The following CDH18 variants were observed in gnomAD, a reference collection of about 807,000 sequenced individuals.
The protein encoded by CDH18 is cadherin 18, also known as cadherin-18.
A neutral mutation model predicts 67.9 loss-of-function variants in CDH18; 31 were observed. The observed-to-expected ratio is 0.46, with a 90% CI of 0.34 to 0.62. The LOEUF (loss-of-function observed/expected upper bound fraction) is 0.62, where lower values mean the gene tolerates loss of function less well. Among genes scored for constraint, CDH18 ranks in the 20% least tolerant of loss-of-function variants. CDH18 has a pLI of 0.01. For synonymous variants in CDH18, 362 were observed against 347.2 expected (o/e 1.04, Z -0.48); for missense variants, 890 against 975.5 (o/e 0.91, Z 1.17).
chr5:19,796,695 T>C (rs1439914278), intron 3 of CDH18, among the ~76,000 whole-genome samples: 1 of 152,224 alleles, frequency 6.6e-6, no homozygotes, highest in Admixed American at 6.5e-5. Context: ...ATGAGTTTTA[T>C]CTATCATATT....
intron 5 of CDH18, among the ~76,000 whole-genome samples, chr5:19,711,225 A>G (rs1053470839): frequency 6.6e-5 from 10 of 152,114 alleles, no homozygotes; most frequent in Non-Finnish European, 8.8e-5. Context: ...GAAATGCAAC[A>G]AAAACAAAAA....
intron 2 of CDH18, among the ~76,000 whole-genome samples, chr5:19,972,911 C>T (rs931400131): frequency 3.3e-5 from 5 of 151,572 alleles, no homozygotes; most frequent in East Asian, 3.9e-4. Flanking sequence ...GTAAATATAC[C>T]GTAAATTATC....
chr5:19,863,994 G>C (rs1170281324), intron 2 of CDH18, among the ~76,000 whole-genome samples: 1 of 151,656 alleles, frequency 6.6e-6, no homozygotes, highest in South Asian at 2.1e-4. Context: ...TCTAGAACTA[G>C]AAATACCATT....
intron 3 of CDH18, among the ~76,000 whole-genome samples, chr5:19,766,975 A>G (rs1224513938): frequency 1.3e-5 from 2 of 152,094 alleles, no homozygotes; most frequent in Admixed American, 1.3e-4. Flanking sequence ...ATTCATTTTC[A>G]TAACTCCAGT....
intron 7 of CDH18, among the ~76,000 whole-genome samples, chr5:19,577,680 T>C (rs563085852): frequency 3.3e-4 from 51 of 152,288 alleles, no homozygotes; most frequent in Admixed American, 7.2e-4. Flanking sequence ...GGACTTAGAA[T>C]TGATTTTGTA....
chr5:20,310,558 G>A (rs567385013), intron 1 of CDH18, among the ~76,000 whole-genome samples: 131 of 152,172 alleles, frequency 8.6e-4, no homozygotes, highest in African/African-American at 2.9e-3. Flanking sequence ...TTTTTTACTC[G>A]CTCATTATGT....
intron 5 of CDH18, among the ~76,000 whole-genome samples, chr5:19,656,123 C>T (rs987385529): frequency 3.3e-5 from 5 of 151,266 alleles, no homozygotes; most frequent in African/African-American, 1.2e-4. Context: ...GAGTTACCTT[C>T]CATGCAAGTA....
At chr5:20,173,463 G>C (rs750709886) in intron 2 of CDH18, among the ~76,000 whole-genome samples, 1 of 152,148 alleles carries the variant, frequency 6.6e-6, no homozygotes, top group Non-Finnish European at 1.5e-5. Context: ...CTAGATGGCA[G>C]GTTTGAAGCT....
chr5:20,186,420 C>T (rs1469073622), intron 2 of CDH18, among the ~76,000 whole-genome samples: 1 of 151,780 alleles, frequency 6.6e-6, no homozygotes, highest in Admixed American at 6.6e-5. Context: ...ATATAAGAAA[C>T]TCCTACAAAT....
At chr5:20,311,084 A>G (rs1186107627) in intron 1 of CDH18, among the ~76,000 whole-genome samples, 3 of 152,120 alleles carry the variant, frequency 2.0e-5, no homozygotes, top group Admixed American at 1.3e-4. Context: ...CTGACCCTTA[A>G]AAAACAAAAC....
rs1580797912 is a variant in CDH18, at chr5:19,671,720, A to C, written c.643+49627T>G. On this transcript the variant is annotated intron_variant, in intron 5 of 12. Coordinates refer to ENST00000382275, the MANE Select transcript of CDH18 (RefSeq NM_004934.5). Reference sequence around the variant, plus strand: ...TAAACTGGATCATGAAAAAGAAAACAAATACAATCTAGGAAAGAGAGTAAA... The same window carrying C: ...TAAACTGGATCATGAAAAAGAAAACCAATACAATCTAGGAAAGAGAGTAAA... Among the ~76,000 whole-genome samples the C allele has an allele frequency of 3.3e-5, 5 of 152,262 alleles. No homozygotes were observed. The South Asian group carries it at 1.0e-3, about 32-fold the overall frequency.
intron 8 of CDH18, among the ~76,000 whole-genome samples, chr5:19,549,764 AAAAGAAAG>A (rs1178694626): frequency 7.8e-6 from 1 of 128,500 alleles, no homozygotes; most frequent in African/African-American, 3.2e-5. Context: ...GAAAGAAAGA[AAAAGAAAG>A]AAAGAAAGGA....
At chr5:19,624,017 T>C (rs1751114113) in intron 5 of CDH18, among the ~76,000 whole-genome samples, 1 of 148,246 alleles carries the variant, frequency 6.7e-6, no homozygotes, top group Admixed American at 6.8e-5. Flanking sequence ...ATTATTATTA[T>C]TATTATTGAG....
intron 2 of CDH18, among the ~76,000 whole-genome samples, chr5:20,143,355 T>G (rs1750392055): frequency 6.6e-6 from 1 of 151,906 alleles, no homozygotes; most frequent in African/African-American, 2.4e-5. Context: ...GAGAACATTA[T>G]TTATTTATTT....
chr5:20,185,328 C>A (rs1355480827), intron 2 of CDH18, among the ~76,000 whole-genome samples: 1 of 151,992 alleles, frequency 6.6e-6, no homozygotes. Flanking sequence ...CTGTATGCAG[C>A]CTTCCCCCTG....
intron 5 of CDH18, among the ~76,000 whole-genome samples, chr5:19,646,775 G>A (rs1754807101): frequency 6.6e-6 from 1 of 152,130 alleles, no homozygotes; most frequent in Non-Finnish European, 1.5e-5. Context: ...GAATGAGAGA[G>A]CAATGCTAAT....
At chr5:19,500,833 A>G (rs983920926) in intron 11 of CDH18, among the ~76,000 whole-genome samples, 4 of 152,138 alleles carry the variant, frequency 2.6e-5, no homozygotes, top group Non-Finnish European at 4.4e-5. Context: ...CATTTCAAAT[A>G]TAATGGGTAA....
chr5:20,520,235 AGTTTCAGAGAAATGTTTCTATAATTTCT>A lies in CDH18; in HGVS notation c.-580+55199_-580+55226del, dbSNP rs1433432051. 8.5e-5 allele frequency among the ~76,000 whole-genome samples: 13 copies of A among 152,118 alleles called. 2 individuals are homozygous for A. In the East Asian group the frequency reaches 1.4e-3, roughly 16 times the overall value. On this transcript the variant is annotated intron_variant, in intron 1 of 14. Coordinates refer to the CDH18 transcript ENST00000507958. ...GAGGTAAGGAAAGCTGCCTGGTACA[AGTTTCAGAGAAATGTTTCTATAATTTCT>A]GTTTCAGAGAAATGTTTCTATAATT...
chr5:20,486,335 GC>G (rs1256954531), intron 1 of CDH18, among the ~76,000 whole-genome samples: 2 of 152,062 alleles, frequency 1.3e-5, no homozygotes, highest in Admixed American at 6.6e-5. Flanking sequence ...CTGAAACAAA[GC>G]CTATAGAGAT....
Sources: gnomAD v4.1 joint callset for allele counts (sites outside exome capture counted in the v4.1 genomes callset) on GRCh38, gnomAD v4.1.1 for gene constraint, MANE v1.5 for transcripts, NCBI Gene and HGNC (gene_info 2026-07-23, HGNC 2026-07-21) for gene names.